Variants in PTK7 observed in about 807,000 individuals in gnomAD.
The protein encoded by PTK7 is inactive tyrosine-protein kinase 7.
A neutral mutation model predicts 116.6 loss-of-function variants in PTK7; 39 were observed. That is an observed-to-expected ratio of 0.33 (90% confidence interval 0.26 to 0.44). The LOEUF (loss-of-function observed/expected upper bound fraction) is 0.44, where lower values mean the gene tolerates loss of function less well. Ranked by LOEUF, PTK7 falls within the 20% of genes least tolerant of loss-of-function variation. PTK7 has a pLI of 1.00. For missense variants in PTK7, 1,169 were observed against 1,425.6 expected, an observed-to-expected ratio of 0.82 and a Z score of 2.90; for synonymous variants, 546 against 563.6, an observed-to-expected ratio of 0.97 and a Z score of 0.44.
At chr6:43,102,455 G>A (rs1434101708) in intron 1 of PTK7, among the ~76,000 whole-genome samples, 1 of 151,754 alleles carries the variant, frequency 6.6e-6, no homozygotes, top group Non-Finnish European at 1.5e-5. Context: ...CGGTTGTGTT[G>A]GCGGGTCCCT....
chr6:43,155,678 G>A (rs183094755), intron 17 of PTK7, among the ~76,000 whole-genome samples: 2 of 151,728 alleles, frequency 1.3e-5, no homozygotes, highest in Admixed American at 1.3e-4. Context: ...ATTTAGTTAC[G>A]TTTCATATAT....
At chr6:43,153,644 C>G (rs1463381837) in intron 17 of PTK7, among the ~76,000 whole-genome samples, 1 of 152,130 alleles carries the variant, frequency 6.6e-6, no homozygotes, top group Non-Finnish European at 1.5e-5. Flanking sequence ...CTCCTAGGCT[C>G]AAGCAATCCT....
At chr6:43,142,534 G>A in intron 13 of PTK7, 2 of 678,276 alleles carry the variant, frequency 2.9e-6, no homozygotes, top group Non-Finnish European at 5.2e-6. Flanking sequence ...GGGGGAGTGG[G>A]GGGGTGTTCT....
At chr6:43,095,411 C>A (rs1767193868) in intron 1 of PTK7, among the ~76,000 whole-genome samples, 1 of 152,076 alleles carries the variant, frequency 6.6e-6, no homozygotes, top group African/African-American at 2.4e-5. Context: ...AACAAAAAAA[C>A]CCACAGTAGA....
chr6:43,145,111 C>CA lies in PTK7; in HGVS notation c.2408-88dup. Reference sequence around the variant, plus strand: ...TGCCCAGCCCAGGTGGGTGGGTCCCCACTGTGGGAGAGGCTAGGCCCCTCC... The same window carrying CA: ...TGCCCAGCCCAGGTGGGTGGGTCCCCAACTGTGGGAGAGGCTAGGCCCCTCC... On this transcript the variant is annotated intron_variant, in intron 15 of 19. Transcript: ENST00000230419. The surrounding 1 kb of genome is among the most constrained non-coding windows in gnomAD (Gnocchi z 4.8). 8.0e-7 allele frequency: 1 copy of CA among 1,247,042 alleles called. No homozygotes were observed. The highest frequency in any genetic ancestry group is 1.1e-6 in the Non-Finnish European group (1 of 898,712). 77.2% of individuals were successfully genotyped at this position (1,247,042 alleles called of 1,614,324 possible). A position where few individuals can be genotyped will look rare whatever the true frequency, so the allele number is the denominator to read the frequency against.
chr6:43,109,823 C>T (rs1238977316), intron 1 of PTK7, among the ~76,000 whole-genome samples: 1 of 151,072 alleles, frequency 6.6e-6, no homozygotes, highest in Non-Finnish European at 1.5e-5. Context: ...CTTAGCCTCC[C>T]GAGTAGCTGG....
intron 1 of PTK7, among the ~76,000 whole-genome samples, chr6:43,125,552 C>T (rs998167659): frequency 1.1e-4 from 16 of 152,216 alleles, no homozygotes; most frequent in African/African-American, 3.9e-4. Context: ...TGCTTATTGC[C>T]TTCAGACTTC....
rs140498092 is a variant in PTK7 at position 43,129,076 on chromosome 6, C to T, written c.179C>T (p.Pro60Leu). ...LLRCEVEAPG[P>L]VHVYWLLDGA... ...CGCTGTGAGGTTGAGGCTCCGGGCCCGGTACATGTGTACTGGCTGCTCGAT... is the reference window on the plus strand; with the variant it reads ...CGCTGTGAGGTTGAGGCTCCGGGCCTGGTACATGTGTACTGGCTGCTCGAT... The change falls in exon 2 of 20, where the codon CCG (proline) becomes CTG (leucine). Residue 60 changes from proline (P) to leucine (L), a missense_variant. This residue lies in a region of PTK7 where 487 missense variants were observed against 549.8 expected (regional missense o/e 0.89). Transcript: ENST00000230419. This position sits in a 1 kb window ranked among gnomAD's most constrained non-coding sequence, Gnocchi z 4.5. 2.4e-5 allele frequency: 38 copies of T among 1,614,218 alleles called. No homozygotes were observed. The highest frequency in any genetic ancestry group is 7.7e-5 in the South Asian group (7 of 91,084).
At chr6:43,146,802 G>T in intron 17 of PTK7, 104 bp downstream of exon 17, 1 of 958,254 alleles carries the variant, frequency 1.0e-6, no homozygotes, top group Non-Finnish European at 1.6e-6. Context: ...AGGCCCTATG[G>T]TAAGAACTTC....
chr6:43,131,383 A>C (rs1769672978), intron 5 of PTK7, among the ~76,000 whole-genome samples: 1 of 152,184 alleles, frequency 6.6e-6, no homozygotes, highest in South Asian at 2.1e-4. Context: ...TATTCTGTGT[A>C]TTAGTCCATT....
intron 1 of PTK7, among the ~76,000 whole-genome samples, chr6:43,116,951 G>A (rs1015249191): frequency 2.6e-5 from 4 of 152,022 alleles, no homozygotes; most frequent in African/African-American, 9.7e-5. Context: ...AGCCTCCCGA[G>A]TAGCTGGGAT....
intron 1 of PTK7, among the ~76,000 whole-genome samples, chr6:43,105,139 G>A (rs1346920105): frequency 6.6e-6 from 1 of 150,968 alleles, no homozygotes; most frequent in African/African-American, 2.4e-5. Flanking sequence ...AAACTTCTCT[G>A]GAGATAATGC....
chr6:43,144,443 CT>C lies in PTK7; in HGVS notation c.2252-6del. ...TCATCGTGACGCTCTTGTCCTCCTCCTTCCCAGGTGGGCCTTTGCAGAACGG... is the reference window on the plus strand; with the variant it reads ...TCATCGTGACGCTCTTGTCCTCCTCCTCCCAGGTGGGCCTTTGCAGAACGG... On this transcript the variant is annotated splice_region_variant and splice_polypyrimidine_tract_variant and intron_variant, in intron 14 of 19. Coordinates refer to ENST00000230419, the MANE Select transcript of PTK7 (RefSeq NM_002821.5). The C allele has an allele frequency of 6.2e-7, 1 of 1,614,110 alleles. No individual in the cohort carries two copies. Among genetic ancestry groups the C allele is most frequent in the Non-Finnish European group, 8.5e-7 (1 of 1,180,010 alleles).
chr6:43,086,682 A>G (rs1766676143), intron 1 of PTK7, among the ~76,000 whole-genome samples: 1 of 152,080 alleles, frequency 6.6e-6, no homozygotes, highest in African/African-American at 2.4e-5. Flanking sequence ...AAAAAATACA[A>G]AAAAACTAGC....
chr6:43,137,643 G>A (rs940289080), intron 7 of PTK7, among the ~76,000 whole-genome samples: 5 of 152,188 alleles, frequency 3.3e-5, no homozygotes, highest in African/African-American at 1.2e-4. Context: ...ATGAGTGAGT[G>A]TTGCTAAAAC....
intron 1 of PTK7, among the ~76,000 whole-genome samples, chr6:43,086,844 C>CA (rs1373525404): frequency 1.3e-5 from 2 of 151,764 alleles, no homozygotes; most frequent in African/African-American, 2.4e-5. Context: ...GACCCTATCT[C>CA]AAAAAAACAA....
intron 1 of PTK7, among the ~76,000 whole-genome samples, chr6:43,123,666 T>C (rs1313744231): frequency 6.6e-6 from 1 of 152,020 alleles, no homozygotes; most frequent in Non-Finnish European, 1.5e-5. Flanking sequence ...TATAGATGGC[T>C]GTTAGGGAGC....
intron 17 of PTK7, among the ~76,000 whole-genome samples, chr6:43,147,444 C>G (rs184187071): frequency 5.8e-4 from 89 of 152,352 alleles, no homozygotes; most frequent in African/African-American, 1.9e-3. Context: ...TGCCTCCTCT[C>G]CCCTCTGAAA....
intron 1 of PTK7, among the ~76,000 whole-genome samples, chr6:43,116,966 G>A (rs745827857): frequency 9.2e-5 from 14 of 151,994 alleles, no homozygotes; most frequent in Non-Finnish European, 1.6e-4. Flanking sequence ...TGGGATTATA[G>A]GTGCCCGACA....
Sources: allele counts gnomAD v4.1 joint callset (sites outside exome capture counted in the v4.1 genomes callset), GRCh38; gene constraint gnomAD v4.1.1; regional missense constraint gnomAD v4.1.1; non-coding constraint Gnocchi (gnomAD v3.1); transcripts MANE v1.5; gene names NCBI Gene and HGNC (gene_info 2026-07-23, HGNC 2026-07-21).